CAPN13: variants seen among roughly 807,000 people sequenced by gnomAD.
CAPN13 encodes the protein calpain-13.
In CAPN13, 90 loss-of-function variants were observed where a neutral mutation model predicts 98.4. That is an observed-to-expected ratio of 0.92 (90% CI 0.77 to 1.09). The LOEUF (loss-of-function observed/expected upper bound fraction) is 1.09, where lower values mean the gene tolerates loss of function less well. Among genes scored for constraint, CAPN13 ranks in the 50% least tolerant of loss-of-function variants. The probability of loss-of-function intolerance (pLI) is 0.00; values close to 1 mark genes in which losing one functional copy is unlikely to be tolerated. For missense variants in CAPN13, 887 were observed against 841.3 expected (o/e 1.05, Z -0.67); for synonymous variants, 330 against 305.5 (o/e 1.08, Z -0.84).
At chr2:30,765,069 C>T (rs1028996738) in intron 5 of CAPN13, among the ~76,000 whole-genome samples, 2 of 152,190 alleles carry the variant, frequency 1.3e-5, no homozygotes, top group African/African-American at 4.8e-5. Flanking sequence ...ACCTCCACCC[C>T]GACCCATGGC....
At chr2:30,773,254 C>A (rs1673505589) in intron 4 of CAPN13, among the ~76,000 whole-genome samples, 1 of 152,188 alleles carries the variant, frequency 6.6e-6, no homozygotes, top group Non-Finnish European at 1.5e-5. Flanking sequence ...TGTTTACAGA[C>A]TTTTCAGGAA....
At chr2:30,764,040 G>T in intron 6 of CAPN13, 92 bp downstream of exon 6, 1 of 1,305,758 alleles carries the variant, frequency 7.7e-7, no homozygotes, top group Non-Finnish European at 1.1e-6. Context: ...GTGGCAGCTT[G>T]CCACATCCTC....
At chr2:30,745,787 G>A in intron 11 of CAPN13, 53 bp from the exon 12 acceptor site, 1 of 1,556,196 alleles carries the variant, frequency 6.4e-7, no homozygotes, top group South Asian at 1.2e-5. Flanking sequence ...TAAACAAAAA[G>A]GCAAGCAGAA....
Position 30,753,148 on chromosome 2 carries a change from C to T in CAPN13, c.992G>A (p.Ser331Asn), listed in dbSNP as rs368397722. ...QQKFIAMFIC[S>N]EIPITLDHGN... ...ATGGTCCAGGGTAATTGGAATTTCGCTACATATAAACATGGCGATGAATTT... is the reference window on the plus strand; with the variant it reads ...ATGGTCCAGGGTAATTGGAATTTCGTTACATATAAACATGGCGATGAATTT... The change falls in exon 10 of 23, where the codon AGC becomes AAC. Residue 331 changes from serine to asparagine, a missense_variant. Ser to Asn is a conservative substitution (Grantham distance 46). Coordinates refer to ENST00000295055, the MANE Select transcript of CAPN13 (RefSeq NM_144575.3). 9.3e-6 allele frequency: 15 copies of T among 1,613,900 alleles called. No individual in the cohort carries two copies. The highest frequency in any genetic ancestry group is 2.2e-5 in the East Asian group (1 of 44,892).
chr2:30,730,367 C>T (rs1240632326), intron 22 of CAPN13, among the ~76,000 whole-genome samples: 1 of 152,080 alleles, frequency 6.6e-6, no homozygotes, highest in African/African-American at 2.4e-5. Context: ...CTCCCTAAGG[C>T]CTGACCATTT....
chr2:30,758,243 A>C (rs1672560813), intron 7 of CAPN13, 106 bp from the exon 8 acceptor site: 1 of 776,110 alleles, frequency 1.3e-6, no homozygotes, highest in Non-Finnish European at 2.0e-6. Context: ...TTAACTTCTG[A>C]CCTCATTTGG....
chr2:30,801,309 C>A (rs957462432), intron 1 of CAPN13, among the ~76,000 whole-genome samples: 1 of 151,920 alleles, frequency 6.6e-6, no homozygotes, highest in African/African-American at 2.4e-5. Flanking sequence ...TTTAAATGGA[C>A]AAAGACAAAC....
At chr2:30,776,976 A>G (rs1428945864) in intron 3 of CAPN13, among the ~76,000 whole-genome samples, 1 of 152,204 alleles carries the variant, frequency 6.6e-6, no homozygotes, top group African/African-American at 2.4e-5. Flanking sequence ...CGGCAAGCTG[A>G]CGTTTTGAAA....
intron 22 of CAPN13, among the ~76,000 whole-genome samples, chr2:30,728,474 T>C (rs1670938664): frequency 6.6e-6 from 1 of 150,664 alleles, no homozygotes; most frequent in Admixed American, 6.6e-5. Flanking sequence ...GGATCAGGAG[T>C]TTGGTGACTG....
chr2:30,737,906 T>C (rs1232199568), intron 17 of CAPN13: 1 of 339,062 alleles, frequency 2.9e-6, no homozygotes, highest in African/African-American at 2.1e-5. Context: ...TCCTGTTTCT[T>C]CTACTGTATT....
At chr2:30,772,623 A>C (rs1378456930) in intron 4 of CAPN13, among the ~76,000 whole-genome samples, 3 of 152,198 alleles carry the variant, frequency 2.0e-5, no homozygotes, top group Non-Finnish European at 2.9e-5. Context: ...CCTGCCTGAC[A>C]GAAGACCTAA....
In CAPN13 at chr2:30,741,937, G is replaced by T. The variant is rs367755924; in HGVS notation, c.1507C>A (p.Gln503Lys). 24 of 1,613,850 alleles carry T rather than the reference G, an allele frequency of 1.5e-5. No homozygotes were observed. Among genetic ancestry groups the T allele is most frequent in the Non-Finnish European group, 2.0e-5 (24 of 1,179,884 alleles). Reference sequence around the variant, plus strand: ...TGAGCATATCTGTTGAAAATGCTTTGTTGGGAGCCATGTTCTGAAGGGCTT... The same window carrying T: ...TGAGCATATCTGTTGAAAATGCTTTTTTGGGAGCCATGTTCTGAAGGGCTT... ...KGSPSEHGSQ[Q>K]SIFNRYAQQR... is the part of the protein sequence containing the mutation. The change falls in exon 15 of 23, where the codon CAA becomes AAA. Residue 503 changes from glutamine to lysine, a missense_variant. Gln to Lys is a moderately conservative substitution (Grantham distance 53, BLOSUM62 1). Coordinates refer to ENST00000295055, the MANE Select transcript of CAPN13 (RefSeq NM_144575.3).
intron 12 of CAPN13, among the ~76,000 whole-genome samples, chr2:30,745,005 C>T (rs1170048383): frequency 2.0e-5 from 3 of 152,172 alleles, no homozygotes; most frequent in Non-Finnish European, 4.4e-5. Context: ...GCTGGGCCAC[C>T]ACTGTCACAG....
intron 19 of CAPN13, among the ~76,000 whole-genome samples, chr2:30,734,131 C>A (rs964990576): frequency 1.3e-5 from 2 of 152,190 alleles, no homozygotes; most frequent in Non-Finnish European, 2.9e-5. Context: ...GAGCTGGAAG[C>A]GCGTCTCCAA....
chr2:30,732,768 C>T (rs371015963), intron 19 of CAPN13, among the ~76,000 whole-genome samples: 106 of 152,282 alleles, frequency 7.0e-4, no homozygotes, highest in Non-Finnish European at 1.3e-3. Context: ...CCAGAGACCA[C>T]GTGAAGATGC....
chr2:30,728,767 C>T (rs543468375), intron 22 of CAPN13, among the ~76,000 whole-genome samples: 8 of 152,076 alleles, frequency 5.3e-5, no homozygotes, highest in South Asian at 2.1e-4. Context: ...GTCCAGCTGC[C>T]GGAAATTGAT....
intron 1 of CAPN13, among the ~76,000 whole-genome samples, chr2:30,794,452 T>C (rs536223419): frequency 1.3e-5 from 2 of 151,918 alleles, no homozygotes; most frequent in African/African-American, 2.4e-5. Context: ...TCAGTAGATA[T>C]GTAAATTGGT....
At chr2:30,748,440 G>A (rs765717) in intron 11 of CAPN13, among the ~76,000 whole-genome samples, 18,587 of 152,220 alleles carry the variant, frequency 0.12, 1,545 homozygotes, top group Non-Finnish European at 0.19. Flanking sequence ...GCAGTGCAGA[G>A]GTGGGCAGGG....
intron 22 of CAPN13, among the ~76,000 whole-genome samples, chr2:30,726,068 A>G (rs1572771141): frequency 6.6e-6 from 1 of 152,370 alleles, no homozygotes; most frequent in African/African-American, 2.4e-5. Context: ...TATTTCGGTT[A>G]TTTGGGAGAA....
Sources: gnomAD v4.1 joint callset for allele counts (sites outside exome capture counted in the v4.1 genomes callset) on GRCh38, gnomAD v4.1.1 for gene constraint, MANE v1.5 for transcripts, NCBI Gene and HGNC (gene_info 2026-07-23, HGNC 2026-07-21) for gene names.